NFIB: variants seen among roughly 807,000 people sequenced by gnomAD.
The protein encoded by NFIB is nuclear factor I B.
NFIB carries 11 observed loss-of-function variants against 61.5 expected under a neutral mutation model. That is an observed-to-expected ratio of 0.18 (90% CI 0.11 to 0.30). The LOEUF is 0.30. Among genes scored for constraint, NFIB ranks in the 10% least tolerant of loss-of-function variants. NFIB has a pLI of 1.00. For missense variants in NFIB, 471 were observed against 608.9 expected, an observed-to-expected ratio of 0.77 and a Z score of 2.38; for synonymous variants, 260 against 216.5, an observed-to-expected ratio of 1.20 and a Z score of -1.76.
intron 2 of NFIB, among the ~76,000 whole-genome samples, chr9:14,192,253 G>T (rs550009978): frequency 6.6e-6 from 1 of 152,312 alleles, no homozygotes; most frequent in Admixed American, 6.5e-5. Flanking sequence ...CCATCTAACA[G>T]CAAGGCCATG....
the NFIB span, among the ~76,000 whole-genome samples, chr9:14,412,932 T>G: frequency 6.6e-6 from 1 of 152,088 alleles, no homozygotes; most frequent in Non-Finnish European, 1.5e-5. Context: ...GAAGGGCGCC[T>G]CCACTTCAGG....
In NFIB at chr9:14,307,811, C is replaced by A. The variant is rs1249177526; in HGVS notation, c.31-291G>T. The A allele has an allele frequency of 7.9e-6, 2 of 252,780 alleles. No individual in the cohort carries two copies. Among genetic ancestry groups the A allele is most frequent in the African/African-American group, 4.4e-5 (2 of 44,958 alleles). 15.7% of individuals were successfully genotyped at this position (252,780 alleles called of 1,614,324 possible). A position where few individuals can be genotyped will look rare whatever the true frequency, so the allele number is the denominator to read the frequency against. On this transcript the variant is annotated intron_variant, in intron 1 of 10. Coordinates refer to ENST00000380953, the MANE Select transcript of NFIB (RefSeq NM_001190737.2). This position sits in a 1 kb window ranked among gnomAD's most constrained non-coding sequence, Gnocchi z 5.3. Reference sequence around the variant, plus strand: ...CTGGCCCCATCCCCCTTGTTTCCACCCCAATGCCATGCATTCTACATTCTT... The same window carrying A: ...CTGGCCCCATCCCCCTTGTTTCCACACCAATGCCATGCATTCTACATTCTT...
rs181078483 is a variant in NFIB, at chr9:14,181,608, T to C, written c.563-1828A>G. Among the ~76,000 whole-genome samples the C allele has an allele frequency of 8.5e-4, 129 of 152,328 alleles. 2 individuals carry two copies. Among genetic ancestry groups the C allele is most frequent in the Non-Finnish European group, 1.2e-4 (8 of 68,030 alleles). ...TACATAAAAATGATAAATCATAACT[T>C]TTTGCTATAGCATCAGCTATTTTTA... On this transcript the variant is annotated intron_variant, in intron 2 of 10. Transcript: ENST00000380953.
the NFIB span, among the ~76,000 whole-genome samples, chr9:14,459,038 A>G: frequency 5.9e-5 from 9 of 152,262 alleles, no homozygotes; most frequent in South Asian, 1.9e-3. Context: ...TATGGAACCA[A>G]AAAAGAGCCC....
At chr9:14,441,491 C>A in the NFIB span, among the ~76,000 whole-genome samples, 1 of 152,182 alleles carries the variant, frequency 6.6e-6, no homozygotes, top group Non-Finnish European at 1.5e-5. Flanking sequence ...AAGTTCAAAG[C>A]ATGTGGGATC....
chr9:14,233,977 G>A (rs2053477477), intron 2 of NFIB, among the ~76,000 whole-genome samples: 1 of 152,170 alleles, frequency 6.6e-6, no homozygotes, highest in East Asian at 1.9e-4. Flanking sequence ...TTTACTTATA[G>A]AAAGCACCTA....
chr9:14,153,542 T>C (rs1440101826), intron 4 of NFIB, among the ~76,000 whole-genome samples: 1 of 152,100 alleles, frequency 6.6e-6, no homozygotes, highest in Non-Finnish European at 1.5e-5. Context: ...AGGCCAACCT[T>C]TAATCTCCCT....
rs930108829 is a variant in NFIB at position 14,246,995 on chromosome 9, C to CTA, written c.562+59992_562+59993dup. On this transcript the variant is annotated intron_variant, in intron 2 of 10. Transcript: ENST00000380953. ...TCTCTCTCTCTCTTGCTTTCTTTCA[C>CTA]TATATCTCTCTCTCTCTCTGCTTTC... 7.4e-5 allele frequency among the ~76,000 whole-genome samples: 11 copies of CTA among 148,056 alleles called. No individual in the cohort carries two copies. In the East Asian group the frequency reaches 1.2e-3, roughly 16 times the overall value.
chr9:14,445,484 G>A, the NFIB span, among the ~76,000 whole-genome samples: 4 of 152,172 alleles, frequency 2.6e-5, no homozygotes, highest in Admixed American at 2.6e-4. Context: ...TTGCCAGTTG[G>A]CATAAGAAAT....
chr9:14,323,862 T>C (rs1336011310), intron 1 of NFIB, among the ~76,000 whole-genome samples: 1 of 152,032 alleles, frequency 6.6e-6, no homozygotes, highest in African/African-American at 2.4e-5. Context: ...CATACATACG[T>C]TTGGCTGTGT....
At chr9:14,224,411 G>C (rs1023476375) in intron 2 of NFIB, among the ~76,000 whole-genome samples, 2 of 152,168 alleles carry the variant, frequency 1.3e-5, no homozygotes, top group African/African-American at 4.8e-5. Context: ...AGGTGTAGAG[G>C]ATCACAGTTG....
chr9:14,295,610 T>C (rs1048195881), intron 2 of NFIB, among the ~76,000 whole-genome samples: 1 of 150,484 alleles, frequency 6.6e-6, no homozygotes, highest in Non-Finnish European at 1.5e-5. Context: ...CAGCCTGGGC[T>C]ACCCAGCCAG....
the NFIB span, among the ~76,000 whole-genome samples, chr9:14,495,680 T>C: frequency 2.0e-5 from 3 of 152,224 alleles, no homozygotes; most frequent in East Asian, 3.9e-4. Context: ...TGAACCAAGA[T>C]GACCCTAATT....
chr9:14,406,141 T>A, the NFIB span, among the ~76,000 whole-genome samples: 1 of 152,152 alleles, frequency 6.6e-6, no homozygotes, highest in Non-Finnish European at 1.5e-5. Flanking sequence ...ACATAGTGGA[T>A]CCAGGAGCTA....
intron 1 of NFIB, among the ~76,000 whole-genome samples, chr9:14,377,168 T>A (rs1163381731): frequency 6.6e-6 from 1 of 152,230 alleles, no homozygotes; most frequent in Non-Finnish European, 1.5e-5. Flanking sequence ...ATACCCACAA[T>A]GCAAATATAT....
intron 1 of NFIB, among the ~76,000 whole-genome samples, chr9:14,396,506 G>T (rs933269161): frequency 6.6e-6 from 1 of 151,882 alleles, no homozygotes; most frequent in Non-Finnish European, 1.5e-5. Flanking sequence ...ACTTTTTGGT[G>T]TATTATAGGC....
chr9:14,451,126 C>G, the NFIB span, among the ~76,000 whole-genome samples: 1 of 152,174 alleles, frequency 6.6e-6, no homozygotes, highest in African/African-American at 2.4e-5. Context: ...TGAGGTGTTA[C>G]CAATTTTAAT....
chr9:14,488,049 G>A, the NFIB span, among the ~76,000 whole-genome samples: 2 of 152,162 alleles, frequency 1.3e-5, no homozygotes, highest in Admixed American at 6.6e-5. Context: ...GGTTCAGGAA[G>A]ACTTAAATGT....
the NFIB span, among the ~76,000 whole-genome samples, chr9:14,493,645 G>A: frequency 2.0e-5 from 3 of 152,278 alleles, no homozygotes; most frequent in South Asian, 2.1e-4. Context: ...CAGTGTAGGT[G>A]TCCATAACTG....
Sources: allele counts gnomAD v4.1 joint callset (sites outside exome capture counted in the v4.1 genomes callset), GRCh38; gene constraint gnomAD v4.1.1; non-coding constraint Gnocchi (gnomAD v3.1); transcripts MANE v1.5; gene names NCBI Gene and HGNC (gene_info 2026-07-23, HGNC 2026-07-21).